Variants in TNS3 observed in about 807,000 individuals in gnomAD.
TNS3 encodes tensin-3.
A neutral mutation model predicts 140.9 loss-of-function variants in TNS3; 45 were observed. The observed-to-expected ratio is 0.32, with a 90% CI of 0.25 to 0.41. The LOEUF is 0.41. Ranked by LOEUF, TNS3 falls within the 10% of genes least tolerant of loss-of-function variation. The pLI, the probability that TNS3 is intolerant of heterozygous loss-of-function variation, is 1.00. For missense variants in TNS3, 1,716 were observed against 1,906.7 expected (o/e 0.90, Z 1.86); for synonymous variants, 815 against 788.4 (o/e 1.03, Z -0.56).
chr7:47,543,367 T>C (rs1388826919), intron 1 of TNS3, among the ~76,000 whole-genome samples: 2 of 152,202 alleles, frequency 1.3e-5, no homozygotes, highest in Non-Finnish European at 2.9e-5. Flanking sequence ...CAGAGGACTT[T>C]CGGTACGTCA....
rs151078505 is a variant in TNS3 at position 47,555,017 on chromosome 7, A to G, written c.-264-25870T>C. Among the ~76,000 whole-genome samples, 1,227 of 151,972 alleles carry G rather than the reference A, an allele frequency of 8.1e-3. 18 individuals carry two copies. The highest frequency in any genetic ancestry group is 0.028 in the African/African-American group (1,164 of 41,442). On this transcript the variant is annotated intron_variant, in intron 1 of 30. Coordinates refer to ENST00000311160, the MANE Select transcript of TNS3 (RefSeq NM_022748.12). ...CACTCCAGCCTGGCAACAGAGCGAG[A>G]CTCTGTCTCAAAAAAAAAAGAATGG...
intron 20 of TNS3, among the ~76,000 whole-genome samples, chr7:47,318,661 C>T (rs961091725): frequency 3.3e-5 from 5 of 152,100 alleles, no homozygotes; most frequent in East Asian, 3.9e-4. Context: ...GGAAGTATTG[C>T]CCTTCACAAG....
Position 47,439,627 on chromosome 7 carries a change from C to T in TNS3, c.10G>A (p.Gly4Ser), listed in dbSNP as rs1284661785. 1.2e-6 allele frequency: 2 copies of T among 1,613,912 alleles called. No individual in the cohort carries two copies. The highest frequency in any genetic ancestry group is 1.7e-6 in the Non-Finnish European group (2 of 1,179,990). Residue 4 changes from glycine to serine, a missense_variant, in exon 6 of 31, where the codon GGC becomes AGC. Physicochemically the swap from Gly to Ser is moderately conservative, Grantham distance 56. Transcript: ENST00000311160. ...ATGTAAGTGAGGTCCAGCCCATGGC[C>T]CTCCTCCATGGTGGGACTCAGGATG... MEE[G>S]HGLDLTYITE...
At chr7:47,336,734 T>C (rs1788652865) in intron 20 of TNS3, among the ~76,000 whole-genome samples, 1 of 152,100 alleles carries the variant, frequency 6.6e-6, no homozygotes, top group Admixed American at 6.5e-5. Context: ...TACACACCTA[T>C]ACTATGTACC....
chr7:47,508,931 G>A (rs561955133), intron 2 of TNS3, among the ~76,000 whole-genome samples: 1 of 152,270 alleles, frequency 6.6e-6, no homozygotes, highest in African/African-American at 2.4e-5. Context: ...CTCGGAAGCT[G>A]GTCTCCAACC....
At chr7:47,460,916 C>T (rs1050702857) in intron 4 of TNS3, among the ~76,000 whole-genome samples, 2 of 152,314 alleles carry the variant, frequency 1.3e-5, no homozygotes, top group African/African-American at 2.4e-5. Flanking sequence ...GGAGGATGTG[C>T]TCTAAACCAG....
intron 4 of TNS3, among the ~76,000 whole-genome samples, chr7:47,446,688 CTTTTTTTTTTTTTT>C (rs144042398): frequency 1.3e-4 from 13 of 96,726 alleles, no homozygotes; most frequent in Admixed American, 4.9e-4. Flanking sequence ...TCCAGGCTGC[CTTTTTTTTTTTTTT>C]TTTTTTTTTT....
intron 1 of TNS3, among the ~76,000 whole-genome samples, chr7:47,557,332 A>G (rs604587): frequency 0.98 from 149,207 of 152,294 alleles, 73,174 homozygotes; most frequent in Non-Finnish European, 1. Flanking sequence ...CTTCCACCAG[A>G]ACCATCAAAC....
chr7:47,466,885 A>C (rs1352865559), intron 4 of TNS3, among the ~76,000 whole-genome samples: 1 of 152,242 alleles, frequency 6.6e-6, no homozygotes, highest in Non-Finnish European at 1.5e-5. Context: ...GAAACTCCAA[A>C]GAACAGTTCC....
chr7:47,363,280 A>G (rs2151110359), intron 17 of TNS3, among the ~76,000 whole-genome samples: 1 of 151,462 alleles, frequency 6.6e-6, no homozygotes, highest in South Asian at 2.1e-4. Flanking sequence ...CATCACAGTC[A>G]TTACCATCAT....
At chr7:47,340,585 CT>C (rs774726583) in intron 20 of TNS3, among the ~76,000 whole-genome samples, 74 of 134,842 alleles carry the variant, frequency 5.5e-4, no homozygotes, top group Non-Finnish European at 4.8e-4. Flanking sequence ...TCTTTTTTTT[CT>C]TTTTTTTTTT....
At chr7:47,340,585 CTT>C (rs774726583) in intron 20 of TNS3, among the ~76,000 whole-genome samples, 5 of 134,826 alleles carry the variant, frequency 3.7e-5, no homozygotes, top group Admixed American at 7.5e-5. Flanking sequence ...TCTTTTTTTT[CTT>C]TTTTTTTTTT....
intron 1 of TNS3, among the ~76,000 whole-genome samples, chr7:47,537,269 G>T (rs1161065316): frequency 6.6e-6 from 1 of 152,104 alleles, no homozygotes; most frequent in African/African-American, 2.4e-5. Context: ...CTCCGTGGCC[G>T]CCGGCCCAGG....
At chr7:47,313,219 G>A (rs1787206724) in intron 20 of TNS3, among the ~76,000 whole-genome samples, 2 of 152,182 alleles carry the variant, frequency 1.3e-5, no homozygotes, top group African/African-American at 4.8e-5. Context: ...ACCACCTCAT[G>A]GGTTCTTTGC....
chr7:47,297,209 G>A lies in TNS3; in HGVS notation c.3549C>T (p.Ile1183=), dbSNP rs116297963. ...YKADISREQA[I]AMLKDKEPGS... is the part of the protein sequence containing the mutation. ...CCGGCTCCTTGTCCTTCAACATGGC[G>A]ATGGCTGGAGAAAGGGAGGAGAAAG... The change falls in exon 24 of 31, where the codon ATC becomes ATT. Residue 1183 remains isoleucine, a synonymous_variant. Coordinates refer to ENST00000311160, the MANE Select transcript of TNS3 (RefSeq NM_022748.12). 152 of 1,609,830 alleles carry A rather than the reference G, an allele frequency of 9.4e-5. No homozygotes were observed. The highest frequency in any genetic ancestry group is 8.7e-4 in the African/African-American group (65 of 74,790).
intron 16 of TNS3, among the ~76,000 whole-genome samples, chr7:47,389,847 G>A (rs1312215234): frequency 2.6e-5 from 4 of 152,254 alleles, no homozygotes; most frequent in Non-Finnish European, 4.4e-5. Flanking sequence ...GAGATGCAGA[G>A]GGAGGAAATC....
chr7:47,529,666 G>A (rs1799322883), intron 1 of TNS3, among the ~76,000 whole-genome samples: 1 of 152,230 alleles, frequency 6.6e-6, no homozygotes, highest in South Asian at 2.1e-4. Context: ...CAGAAGAAGA[G>A]ACAGTCCAGC....
At chr7:47,342,078 G>A (rs976053034) in intron 20 of TNS3, among the ~76,000 whole-genome samples, 1 of 152,054 alleles carries the variant, frequency 6.6e-6, no homozygotes, top group Non-Finnish European at 1.5e-5. Flanking sequence ...AACATGTTCT[G>A]CATGGTTCAG....
At chr7:47,337,458 G>C (rs1009536796) in intron 20 of TNS3, among the ~76,000 whole-genome samples, 3 of 152,218 alleles carry the variant, frequency 2.0e-5, no homozygotes, top group Non-Finnish European at 4.4e-5. Flanking sequence ...TAATTAACAA[G>C]AAGCCAGAAC....
Sources: gnomAD v4.1 joint callset for allele counts (sites outside exome capture counted in the v4.1 genomes callset) on GRCh38, gnomAD v4.1.1 for gene constraint, MANE v1.5 for transcripts, NCBI Gene and HGNC (gene_info 2026-07-23, HGNC 2026-07-21) for gene names.